The following MEF2A variants were observed in gnomAD, a reference collection of about 807,000 sequenced individuals.
MEF2A encodes myocyte enhancer factor 2A.
MEF2A carries 28 observed loss-of-function variants against 55.8 expected under a neutral mutation model. The observed-to-expected ratio is 0.50, with a 90% confidence interval of 0.37 to 0.69. The LOEUF (loss-of-function observed/expected upper bound fraction) is 0.69, where lower values mean the gene tolerates loss of function less well. Among genes scored for constraint, MEF2A ranks in the 30% least tolerant of loss-of-function variants. The pLI is 0.00. For missense variants in MEF2A, 528 were observed against 626.2 expected (o/e 0.84, Z 1.67); for synonymous variants, 239 against 227.1 (o/e 1.05, Z -0.47).
chr15:99,638,192 A>T (rs1213984671), intron 3 of MEF2A, among the ~76,000 whole-genome samples: 5 of 152,088 alleles, frequency 3.3e-5, no homozygotes, highest in African/African-American at 1.2e-4. Context: ...TTCTCTTAGT[A>T]CTTTGAAGCA....
At chr15:99,702,819 T>C (rs1398533281) in intron 8 of MEF2A, among the ~76,000 whole-genome samples, 3 of 152,240 alleles carry the variant, frequency 2.0e-5, no homozygotes, top group African/African-American at 7.2e-5. Flanking sequence ...AAAACTGGTA[T>C]TTAAAACTCA....
chr15:99,657,398 ATAT>A (rs1002940118), intron 4 of MEF2A: 7 of 151,908 alleles, frequency 4.6e-5, no homozygotes, highest in African/African-American at 1.7e-4. Flanking sequence ...TAAAATTTTG[ATAT>A]TGTTGGGCTA....
chr15:99,694,169 G>T (rs190153157), intron 8 of MEF2A, among the ~76,000 whole-genome samples: 2 of 152,252 alleles, frequency 1.3e-5, no homozygotes, highest in African/African-American at 4.8e-5. Context: ...TTGCTTTAAT[G>T]ACCTTGACAG....
intron 4 of MEF2A, among the ~76,000 whole-genome samples, chr15:99,646,064 A>G (rs1381546616): frequency 1.3e-5 from 2 of 152,136 alleles, no homozygotes; most frequent in African/African-American, 4.8e-5. Flanking sequence ...GTAAGAGACT[A>G]TCATTTTTGG....
chr15:99,576,686 G>T (rs779616085), intron 1 of MEF2A, among the ~76,000 whole-genome samples: 7 of 150,990 alleles, frequency 4.6e-5, no homozygotes, highest in Non-Finnish European at 1.0e-4. Context: ...TGTCACCCAG[G>T]CTGGAGTACA....
Position 99,715,675 on chromosome 15 carries a change from A to C in MEF2A, c.*2904A>C, listed in dbSNP as rs2059080451. ...TTACCCTTTTAGACTCGTGTTTTGTATGAGACACCATTGCAAGAAAATTTT... is the reference window on the plus strand; with the variant it reads ...TTACCCTTTTAGACTCGTGTTTTGTCTGAGACACCATTGCAAGAAAATTTT... On this transcript the variant is annotated 3_prime_UTR_variant, in exon 12 of 12. Transcript: ENST00000557942. The C allele has an allele frequency of 6.6e-6, 1 of 152,210 alleles. No individual in the cohort carries two copies. Among genetic ancestry groups the C allele is most frequent in the Non-Finnish European group, 1.5e-5 (1 of 68,032 alleles). The allele number at this position is 152,210 out of a possible 1,614,324, so 9.4% of individuals were successfully genotyped here.
At chr15:99,597,083 C>G (rs1971438044) in intron 1 of MEF2A, among the ~76,000 whole-genome samples, 1 of 152,034 alleles carries the variant, frequency 6.6e-6, no homozygotes, top group Admixed American at 6.5e-5. Context: ...GAAATGTGGG[C>G]ACCTTGAAAA....
In MEF2A at chr15:99,621,972, CCT is replaced by C. The variant is rs146850467; in HGVS notation, c.-142-11005_-142-11004del. On this transcript the variant is annotated intron_variant, in intron 2 of 11. Coordinates refer to ENST00000557942, the MANE Select transcript of MEF2A (RefSeq NM_001319206.4). ...TCAGTTTAAAAAGTAAAGTTTACCC[CCT>C]GTTTAAAGTCCATGCTCTTAAAATA... Among the ~76,000 whole-genome samples, 1,462 of 152,180 alleles carry C rather than the reference CCT, an allele frequency of 9.6e-3. 18 individuals carry two copies. Among genetic ancestry groups the C allele is most frequent in the African/African-American group, 0.032 (1,313 of 41,510 alleles).
chr15:99,674,701 CT>C, intron 6 of MEF2A, 89 bp downstream of exon 6: 1 of 1,081,824 alleles, frequency 9.2e-7, no homozygotes, highest in Admixed American at 2.0e-5. Context: ...TTTTGCTATT[CT>C]TTTATTGCTT....
At chr15:99,699,994 ATATAT>A (rs1567483421) in intron 8 of MEF2A, among the ~76,000 whole-genome samples, 4 of 133,020 alleles carry the variant, frequency 3.0e-5, no homozygotes, top group African/African-American at 5.7e-5. Flanking sequence ...GTATATATAT[ATATAT>A]AATTTTTGTA....
At chr15:99,696,039 T>C (rs1374146576) in intron 8 of MEF2A, among the ~76,000 whole-genome samples, 1 of 152,188 alleles carries the variant, frequency 6.6e-6, no homozygotes, top group Non-Finnish European at 1.5e-5. Flanking sequence ...AGGAGGGACG[T>C]GACATAGTCC....
At chr15:99,580,814 G>C (rs1380488450) in intron 1 of MEF2A, among the ~76,000 whole-genome samples, 1 of 152,096 alleles carries the variant, frequency 6.6e-6, no homozygotes, top group Non-Finnish European at 1.5e-5. Flanking sequence ...GTAGATGTTA[G>C]CTTTTTGAAA....
intron 8 of MEF2A, among the ~76,000 whole-genome samples, chr15:99,697,533 T>G (rs2056679827): frequency 6.6e-6 from 1 of 151,998 alleles, no homozygotes; most frequent in Non-Finnish European, 1.5e-5. Flanking sequence ...ACAAAATATG[T>G]ACAGTCTGTA....
chr15:99,707,102 C>G (rs150977821), intron 10 of MEF2A, among the ~76,000 whole-genome samples: 10 of 152,180 alleles, frequency 6.6e-5, no homozygotes. Flanking sequence ...ACCCCTGACA[C>G]AAAGCCACGT....
intron 4 of MEF2A, among the ~76,000 whole-genome samples, chr15:99,652,799 G>A (rs1316518752): frequency 2.0e-5 from 3 of 152,118 alleles, no homozygotes; most frequent in Non-Finnish European, 4.4e-5. Flanking sequence ...TGAAGAAAAA[G>A]GAAAAGAGGT....
chr15:99,633,004 C>T lies in MEF2A; in HGVS notation c.-116C>T, dbSNP rs1332940533. On this transcript the variant is annotated 5_prime_UTR_variant, in exon 3 of 12. Transcript: ENST00000557942. ...TCTTGTAGAAAATTTCAGCTGTAGC[C>T]CTTGGACTAGAAGCTGAAATAACAG... The T allele has an allele frequency of 1.2e-5, 9 of 748,046 alleles. No individual in the cohort carries two copies. Among genetic ancestry groups the T allele is most frequent in the East Asian group, 6.0e-5 (2 of 33,138 alleles). 46.3% of individuals were successfully genotyped at this position (748,046 alleles called of 1,614,324 possible).
In MEF2A at chr15:99,640,559, C is replaced by T. The variant is rs1338552279; in HGVS notation, c.55-5002C>T. On this transcript the variant is annotated intron_variant, in intron 3 of 11. Transcript: ENST00000557942. ...TCCCCTCCCCTCTTTTCTTTCTTTT[C>T]TTTTTTTTTTTTTTTGAGACAGGGT... Among the ~76,000 whole-genome samples the T allele has an allele frequency of 9.5e-4, 127 of 133,922 alleles. 1 individual carries two copies. The highest frequency in any genetic ancestry group is 3.8e-3 in the Middle Eastern group (1 of 262). 87.9% of individuals were successfully genotyped at this position (133,922 alleles called of 152,430 possible).
intron 2 of MEF2A, among the ~76,000 whole-genome samples, chr15:99,598,746 T>C (rs1458071635): frequency 1.3e-5 from 2 of 152,160 alleles, no homozygotes; most frequent in African/African-American, 4.8e-5. Context: ...CTCATATTTT[T>C]TCATCTTTCA....
chr15:99,671,994 T>C (rs1193489431), intron 5 of MEF2A, among the ~76,000 whole-genome samples: 1 of 152,196 alleles, frequency 6.6e-6, no homozygotes, highest in Non-Finnish European at 1.5e-5. Context: ...GCTCTAAAAT[T>C]CTATGATTTA....
Sources: allele counts gnomAD v4.1 joint callset (sites outside exome capture counted in the v4.1 genomes callset), GRCh38; gene constraint gnomAD v4.1.1; transcripts MANE v1.5; gene names NCBI Gene and HGNC (gene_info 2026-07-23, HGNC 2026-07-21).